TPD52: variants seen among roughly 807,000 people sequenced by gnomAD.
The protein encoded by TPD52 is tumor protein D52.
Under a neutral mutation model 31.3 loss-of-function variants are expected in TPD52, and 17 were observed. That is an observed-to-expected ratio of 0.54 (90% CI 0.37 to 0.82). TPD52 has a LOEUF of 0.82. Ranked by LOEUF, TPD52 falls within the 40% of genes least tolerant of loss-of-function variation. The pLI is 0.00. For missense variants in TPD52, 212 were observed against 240.1 expected, an observed-to-expected ratio of 0.88 and a Z score of 0.77; for synonymous variants, 83 against 89.6, an observed-to-expected ratio of 0.93 and a Z score of 0.42.
chr8:80,059,769 G>T (rs534286752), intron 2 of TPD52, among the ~76,000 whole-genome samples: 1 of 151,896 alleles, frequency 6.6e-6, no homozygotes, highest in East Asian at 1.9e-4. Flanking sequence ...CAGGAGAATC[G>T]CTTGAACCTG....
At chr8:80,135,087 G>A (rs1407465118) in intron 1 of TPD52, among the ~76,000 whole-genome samples, 2 of 152,080 alleles carry the variant, frequency 1.3e-5, no homozygotes, top group African/African-American at 4.8e-5. Flanking sequence ...ATTACAGAAG[G>A]GATGCACACA....
In TPD52 at chr8:80,171,493, C is replaced by A. The variant is rs1812100084; in HGVS notation, c.-50G>T. On this transcript the variant is annotated 5_prime_UTR_variant, in exon 1 of 8. Coordinates refer to ENST00000518937, the MANE Select transcript of TPD52 (RefSeq NM_001025253.3). ...CTCTGCAGCACCCCCGCCTGCAGCC[C>A]GTCCCGGCTCGGATCGCCCGCCGCG... 6.5e-7 allele frequency: 1 copy of A among 1,531,870 alleles called. No individual in the cohort carries two copies. The highest frequency in any genetic ancestry group is 8.7e-7 in the Non-Finnish European group (1 of 1,152,864). 94.9% of individuals were successfully genotyped at this position (1,531,870 alleles called of 1,614,324 possible). A position where few individuals can be genotyped will look rare whatever the true frequency, so the allele number is the denominator to read the frequency against.
At chr8:80,080,245 GC>G (rs1815096868) in intron 1 of TPD52, 1 of 1,455,962 alleles carries the variant, frequency 6.9e-7, no homozygotes, top group Admixed American at 1.8e-5. Flanking sequence ...CAATTTTAAA[GC>G]CAGGCAAACC....
At chr8:80,117,290 A>G (rs1288385909) in intron 1 of TPD52, among the ~76,000 whole-genome samples, 1 of 152,246 alleles carries the variant, frequency 6.6e-6, no homozygotes, top group Non-Finnish European at 1.5e-5. Context: ...AAATGAGTTC[A>G]GCAACTTTGC....
intron 1 of TPD52, among the ~76,000 whole-genome samples, chr8:80,093,393 C>A (rs535837767): frequency 2.0e-5 from 3 of 152,022 alleles, no homozygotes; most frequent in Non-Finnish European, 4.4e-5. Context: ...TAAACACAAG[C>A]GACTGTCACA....
intron 1 of TPD52, among the ~76,000 whole-genome samples, chr8:80,129,659 C>T (rs1437156875): frequency 4.0e-5 from 6 of 151,490 alleles, no homozygotes; most frequent in South Asian, 2.1e-4. Context: ...AAAGGAGAAC[C>T]GTGGCATCCT....
chr8:80,150,650 T>G (rs1287970219), intron 1 of TPD52, among the ~76,000 whole-genome samples: 3 of 152,168 alleles, frequency 2.0e-5, no homozygotes, highest in Non-Finnish European at 4.4e-5. Flanking sequence ...GGAGATCATT[T>G]TGTAGCTTTA....
chr8:80,079,159 G>A (rs1814940505), intron 1 of TPD52, among the ~76,000 whole-genome samples: 2 of 152,126 alleles, frequency 1.3e-5, no homozygotes, highest in African/African-American at 2.4e-5. Flanking sequence ...AGTTAGAAGG[G>A]GGCTGGGCAA....
At chr8:80,118,128 T>C (rs1252722270) in intron 1 of TPD52, among the ~76,000 whole-genome samples, 1 of 152,162 alleles carries the variant, frequency 6.6e-6, no homozygotes, top group African/African-American at 2.4e-5. Context: ...GTCAATGGAA[T>C]AGAATTCAGA....
Position 80,037,491 on chromosome 8 carries a change from G to GT in TPD52, c.*624dup, listed in dbSNP as rs1809991622. The GT allele has an allele frequency of 6.6e-6, 1 of 152,314 alleles. No homozygotes were observed. Among genetic ancestry groups the GT allele is most frequent in the African/African-American group, 2.4e-5 (1 of 41,574 alleles). 9.4% of individuals were successfully genotyped at this position (152,314 alleles called of 1,614,324 possible). ...GGTTCCACTCTCAAGTCACCTAGAA[G>GT]TTTGATTACATATTGTTACTTACAA... is the stretch of plus-strand genomic sequence containing the variant. On this transcript the variant is annotated 3_prime_UTR_variant, in exon 8 of 8. Transcript: ENST00000518937.
At chr8:80,063,985 AG>A (rs1812835870) in intron 2 of TPD52, among the ~76,000 whole-genome samples, 1 of 65,278 alleles carries the variant, frequency 1.5e-5, no homozygotes, top group Non-Finnish European at 2.9e-5. Flanking sequence ...GAGGGGAGGG[AG>A]GGAGGGGAAG....
intron 1 of TPD52, chr8:80,064,966 C>T: frequency 2.5e-6 from 1 of 395,502 alleles, no homozygotes; most frequent in Non-Finnish European, 4.9e-6. Flanking sequence ...AGCTCCTTCC[C>T]AGTAACCCAG....
chr8:80,072,060 C>T (rs1163319440), intron 1 of TPD52, among the ~76,000 whole-genome samples: 1 of 152,056 alleles, frequency 6.6e-6, no homozygotes, highest in African/African-American at 2.4e-5. Flanking sequence ...CCTGTAATCC[C>T]AGCACTTTGG....
rs559297718 is a variant in TPD52 at position 80,131,764 on chromosome 8, A to G, written c.19+39661T>C. The stretch of plus-strand genomic sequence containing the variant: ...CGCTCACAGCCACACACCCCTTTAC[A>G]GGTGCTCCACGTGGCAGCCATCTAT... On this transcript the variant is annotated intron_variant, in intron 1 of 7. Transcript: ENST00000518937. Among the ~76,000 whole-genome samples, 134 of 152,330 alleles carry G rather than the reference A, an allele frequency of 8.8e-4. No homozygotes were observed. The Middle Eastern group carries it at 0.014, about 15-fold the overall frequency.
intron 1 of TPD52, among the ~76,000 whole-genome samples, chr8:80,087,642 C>T (rs1452044429): frequency 6.6e-6 from 1 of 152,176 alleles, no homozygotes; most frequent in Non-Finnish European, 1.5e-5. Context: ...CAGGCACATA[C>T]CGGCTCCAGG....
At chr8:80,166,471 A>T (rs1211280746) in intron 1 of TPD52, among the ~76,000 whole-genome samples, 2 of 151,406 alleles carry the variant, frequency 1.3e-5, no homozygotes, top group Non-Finnish European at 2.9e-5. Context: ...ACCTCAGGTG[A>T]TCCGCCCGCC....
At chr8:80,127,512 T>G (rs1320818541) in intron 1 of TPD52, 1 of 152,196 alleles carries the variant, frequency 6.6e-6, no homozygotes, top group Non-Finnish European at 1.5e-5. Flanking sequence ...GCTATAGAGC[T>G]CTTGGTTCTT....
intron 1 of TPD52, among the ~76,000 whole-genome samples, chr8:80,108,956 C>T (rs1388448861): frequency 2.0e-5 from 3 of 152,114 alleles, no homozygotes; most frequent in East Asian, 1.9e-4. Flanking sequence ...TTTTTTATGG[C>T]AATATAACTA....
At chr8:80,043,984 A>T (rs1224635421) in intron 6 of TPD52, among the ~76,000 whole-genome samples, 183 bp downstream of exon 6, 1 of 152,230 alleles carries the variant, frequency 6.6e-6, no homozygotes, top group African/African-American at 2.4e-5. Context: ...CAAAACATTT[A>T]ACGGATCTCT....
Sources: gnomAD v4.1 joint callset for allele counts (sites outside exome capture counted in the v4.1 genomes callset) on GRCh38, gnomAD v4.1.1 for gene constraint, MANE v1.5 for transcripts, NCBI Gene and HGNC (gene_info 2026-07-23, HGNC 2026-07-21) for gene names.